The following KCNH8 variants were observed in gnomAD, a reference collection of about 807,000 sequenced individuals.
KCNH8 encodes potassium voltage-gated channel subfamily H member 8.
Under a neutral mutation model 103.6 loss-of-function variants are expected in KCNH8, and 70 were observed. The ratio of observed to expected loss-of-function variants is 0.68; its 90% CI spans 0.56 to 0.82. The LOEUF (loss-of-function observed/expected upper bound fraction) is 0.82, where lower values mean the gene tolerates loss of function less well. Among genes scored for constraint, KCNH8 ranks in the 40% least tolerant of loss-of-function variants. KCNH8 has a pLI of 0.00. For missense variants in KCNH8, 1,217 were observed against 1,329.9 expected, an observed-to-expected ratio of 0.92 and a Z score of 1.32; for synonymous variants, 498 against 489.4, an observed-to-expected ratio of 1.02 and a Z score of -0.23.
chr3:19,149,450 G>GT (rs796098636), intron 1 of KCNH8, among the ~76,000 whole-genome samples: 6,009 of 144,710 alleles, frequency 0.042, 249 homozygotes, highest in African/African-American at 0.11. Context: ...AAAGTTTTTA[G>GT]TTTTTTTTTT....
chr3:19,531,560 A>T (rs1012735255), intron 15 of KCNH8, among the ~76,000 whole-genome samples: 1 of 152,222 alleles, frequency 6.6e-6, no homozygotes, highest in East Asian at 1.9e-4. Flanking sequence ...GTAGGGCAGA[A>T]ATAGTTTTGG....
chr3:19,535,408 C>G lies in KCNH8; in HGVS notation c.*1309C>G, dbSNP rs1208658139. On this transcript the variant is annotated 3_prime_UTR_variant, in exon 16 of 16. Transcript: ENST00000328405. ...AGATTACACAGTTAGGATGCTGACA[C>G]AGTCTAGAATCCATAATGCTCCCTA... 1 of 152,166 alleles carries G rather than the reference C, an allele frequency of 6.6e-6. No homozygotes were observed. Among genetic ancestry groups the G allele is most frequent in the Non-Finnish European group, 1.5e-5 (1 of 68,034 alleles). The allele number at this position is 152,166 out of a possible 1,614,324, so 9.4% of individuals were successfully genotyped here. A position where few individuals can be genotyped will look rare whatever the true frequency, so the allele number is the denominator to read the frequency against.
intron 3 of KCNH8, among the ~76,000 whole-genome samples, chr3:19,292,259 A>C (rs960847474): frequency 1.3e-5 from 2 of 152,196 alleles, no homozygotes; most frequent in African/African-American, 4.8e-5. Flanking sequence ...GGGGATTTCA[A>C]TTACAATTTC....
At chr3:19,152,038 A>T (rs945194661) in intron 1 of KCNH8, among the ~76,000 whole-genome samples, 2 of 152,100 alleles carry the variant, frequency 1.3e-5, no homozygotes, top group Non-Finnish European at 2.9e-5. Flanking sequence ...GAATTATTAC[A>T]CATAGCAAAA....
At chr3:19,416,553 A>G (rs1180420081) in intron 7 of KCNH8, among the ~76,000 whole-genome samples, 1 of 152,148 alleles carries the variant, frequency 6.6e-6, no homozygotes, top group Admixed American at 6.5e-5. Flanking sequence ...CTTGTGAATG[A>G]TAAATTATTC....
intron 7 of KCNH8, among the ~76,000 whole-genome samples, chr3:19,402,720 C>A (rs2066631673): frequency 6.6e-6 from 1 of 151,834 alleles, no homozygotes; most frequent in Non-Finnish European, 1.5e-5. Flanking sequence ...TGAATGGATG[C>A]AGGAATAAGT....
intron 1 of KCNH8, 63 bp from the exon 2 acceptor site, chr3:19,253,591 G>C: frequency 5.7e-6 from 7 of 1,232,690 alleles, no homozygotes; most frequent in South Asian, 1.2e-5. Context: ...ATTTATACAG[G>C]AATTGTGTAT....
At chr3:19,267,803 AGGCTTCT>A (rs2064533416) in intron 2 of KCNH8, among the ~76,000 whole-genome samples, 1 of 152,126 alleles carries the variant, frequency 6.6e-6, no homozygotes. Context: ...CCAGACCAAA[AGGCTTCT>A]GTCCCTTATG....
chr3:19,258,896 A>G (rs1486025491), intron 2 of KCNH8, among the ~76,000 whole-genome samples: 1 of 56,048 alleles, frequency 1.8e-5, no homozygotes, highest in Non-Finnish European at 3.8e-5. Context: ...CTTCATTTTT[A>G]TTTTCTGTTT....
chr3:19,469,116 G>A (rs150332076), intron 11 of KCNH8, among the ~76,000 whole-genome samples: 260 of 152,226 alleles, frequency 1.7e-3, no homozygotes, highest in Middle Eastern at 3.4e-3. Context: ...TCTGCTAGCC[G>A]AGTCCTGCAT....
chr3:19,276,175 A>ATGTGTGTGTGTGTG (rs59768467), intron 2 of KCNH8, among the ~76,000 whole-genome samples: 5 of 141,878 alleles, frequency 3.5e-5, no homozygotes, highest in Admixed American at 1.4e-4. Context: ...CAATATGTAT[A>ATGTGTGTGTGTGTG]TGTGTGTGTG....
intron 3 of KCNH8, among the ~76,000 whole-genome samples, chr3:19,325,527 G>A (rs903194748): frequency 2.3e-4 from 35 of 152,058 alleles, no homozygotes; most frequent in South Asian, 2.1e-4. Context: ...ATGGGCAAGG[G>A]ACATGAACAG....
chr3:19,206,959 T>G (rs901140225), intron 1 of KCNH8, among the ~76,000 whole-genome samples: 3 of 151,760 alleles, frequency 2.0e-5, no homozygotes, highest in Admixed American at 2.0e-4. Context: ...ACGGGTTTGG[T>G]TTTTGAACTT....
At chr3:19,150,054 T>C (rs1409151318) in intron 1 of KCNH8, among the ~76,000 whole-genome samples, 4 of 152,350 alleles carry the variant, frequency 2.6e-5, no homozygotes, top group Middle Eastern at 3.4e-3. Context: ...ATCATGGTAG[T>C]TGGTGTGGAT....
intron 8 of KCNH8, among the ~76,000 whole-genome samples, chr3:19,444,032 A>T (rs959622133): frequency 1.3e-5 from 2 of 152,018 alleles, no homozygotes; most frequent in Admixed American, 6.6e-5. Flanking sequence ...GTGTGTTTGA[A>T]AATTGACAAG....
intron 6 of KCNH8, among the ~76,000 whole-genome samples, chr3:19,391,006 AT>A (rs928031238): frequency 6.6e-6 from 1 of 151,450 alleles, no homozygotes; most frequent in African/African-American, 2.4e-5. Flanking sequence ...GAGTTTGAAG[AT>A]TTTTTTTTCT....
chr3:19,305,244 C>A (rs1316002611), intron 3 of KCNH8, among the ~76,000 whole-genome samples: 1 of 152,032 alleles, frequency 6.6e-6, no homozygotes, highest in Non-Finnish European at 1.5e-5. Context: ...GAATCTATAT[C>A]CAGCATAATT....
intron 11 of KCNH8, among the ~76,000 whole-genome samples, chr3:19,466,071 T>G (rs2067729732): frequency 6.6e-6 from 1 of 151,928 alleles, no homozygotes. Context: ...TGCACGGGCA[T>G]GCACCACCAC....
At chr3:19,171,490 T>G (rs767901463) in intron 1 of KCNH8, among the ~76,000 whole-genome samples, 2 of 152,178 alleles carry the variant, frequency 1.3e-5, no homozygotes, top group Non-Finnish European at 2.9e-5. Context: ...GTTGTCATCT[T>G]TTAAGGGTTG....
Sources: gnomAD v4.1 joint callset for allele counts (sites outside exome capture counted in the v4.1 genomes callset) on GRCh38, gnomAD v4.1.1 for gene constraint, MANE v1.5 for transcripts, NCBI Gene and HGNC (gene_info 2026-07-23, HGNC 2026-07-21) for gene names.